ZNF568: variants seen among roughly 807,000 people sequenced by gnomAD.
ZNF568 encodes the protein zinc finger protein 568, also known as p53 inhibitor of SCO2 activation.
In ZNF568, 11 loss-of-function variants were observed where a neutral mutation model predicts 18.1. That is an observed-to-expected ratio of 0.61 (90% confidence interval 0.38 to 1.00). The LOEUF (loss-of-function observed/expected upper bound fraction) is 1.00, where lower values mean the gene tolerates loss of function less well. Among genes scored for constraint, ZNF568 ranks in the 50% least tolerant of loss-of-function variants. The pLI is 0.01. For missense variants in ZNF568, 639 were observed against 768.2 expected, an observed-to-expected ratio of 0.83 and a Z score of 1.99; for synonymous variants, 213 against 246.6, an observed-to-expected ratio of 0.86 and a Z score of 1.28.
chr19:36,974,397 GT>G, intron 6 of ZNF568: 1 of 1,535,796 alleles, frequency 6.5e-7, no homozygotes, highest in Non-Finnish European at 8.7e-7. Flanking sequence ...GCTTCTTAAC[GT>G]TTTTCCACAT....
downstream of ZNF568, chr19:36,997,904 T>C (rs1039078335): frequency 1.5e-5 from 5 of 328,382 alleles, no homozygotes; most frequent in Non-Finnish European, 2.3e-5. Flanking sequence ...CCTCCATGAA[T>C]GTAAAGAAAG....
At chr19:36,958,272 G>A (rs777222143) in intron 6 of ZNF568, among the ~76,000 whole-genome samples, 24 of 152,076 alleles carry the variant, frequency 1.6e-4, no homozygotes, top group Non-Finnish European at 2.9e-4. Context: ...TTTGGTATTA[G>A]GATAATGCTG....
chr19:36,933,904 TTTTTTTGTTTTGTTTTTTTG>T (rs869090784), intron 4 of ZNF568, among the ~76,000 whole-genome samples: 40,009 of 98,698 alleles, frequency 0.41, 7,754 homozygotes, highest in Non-Finnish European at 0.44. Flanking sequence ...GGTAGGTTTT[TTTTTTTGTTTTGTTTTTTTG>T]TTTTTTTTTT....
rs573860377 is a variant in ZNF568, at chr19:36,962,395, T to TAGTG, written c.359-12024_359-12021dup. 2.3e-3 allele frequency among the ~76,000 whole-genome samples: 345 copies of TAGTG among 149,022 alleles called. 2 individuals are homozygous for TAGTG. Among genetic ancestry groups the TAGTG allele is most frequent in the African/African-American group, 8.5e-3 (343 of 40,390 alleles). On this transcript the variant is annotated intron_variant, in intron 6 of 7. Transcript: ENST00000427117. ...TCACTCTGCCACCCAGGCTGGAATG[T>TAGTG]AGTGGTGTAATCTTGGATCACTGCA...
chr19:36,956,641 A>C (rs956260604), downstream of ZNF568, among the ~76,000 whole-genome samples: 1 of 151,758 alleles, frequency 6.6e-6, no homozygotes, highest in African/African-American at 2.4e-5. Flanking sequence ...TCTGCTGCCC[A>C]GGCTGGAGTA....
chr19:36,996,226 A>C lies in ZNF568; in HGVS notation c.230-91A>C, dbSNP rs942380698. 2.9e-6 allele frequency: 3 copies of C among 1,032,336 alleles called. No individual in the cohort carries two copies. In the African/African-American group the frequency reaches 4.9e-5, roughly 17 times the overall value. The allele number at this position is 1,032,336 out of a possible 1,614,324, so 63.9% of individuals were successfully genotyped here. A position where few individuals can be genotyped will look rare whatever the true frequency, so the allele number is the denominator to read the frequency against. On this transcript the variant is annotated intron_variant, in intron 4 of 4. Coordinates refer to the ZNF568 transcript ENST00000433993. The stretch of plus-strand genomic sequence containing the variant: ...TTGCAGTGTAAAGAATTGCTTATTA[A>C]CTATTTTTATTTTGTCATTTCTACT...
intron 2 of ZNF568, among the ~76,000 whole-genome samples, chr19:36,918,730 C>T (rs922514776): frequency 6.6e-6 from 1 of 152,186 alleles, no homozygotes; most frequent in Admixed American, 6.5e-5. Flanking sequence ...CACCACCATC[C>T]AGCCAGAGAA....
intron 6 of ZNF568, among the ~76,000 whole-genome samples, chr19:36,947,294 G>A (rs951684129): frequency 9.9e-5 from 15 of 152,138 alleles, no homozygotes; most frequent in African/African-American, 3.4e-4. Context: ...GATTACAGGT[G>A]TAAGCCACCA....
At chr19:36,991,244 G>A in exon 3 of ZNF568, 1 of 1,536,364 alleles carries the variant, frequency 6.5e-7, no homozygotes, top group Admixed American at 2.0e-5. Context: ...ACTCTGCTCA[G>A]AAGGATTTGT....
downstream of ZNF568, among the ~76,000 whole-genome samples, chr19:36,984,529 A>G (rs1180690883): frequency 6.6e-6 from 1 of 152,102 alleles, no homozygotes. Context: ...TTTAACCCAT[A>G]AGAAATTTTT....
downstream of ZNF568, chr19:36,997,252 C>T (rs1370018145): frequency 1.1e-5 from 18 of 1,607,104 alleles, no homozygotes; most frequent in Middle Eastern, 1.7e-4. Context: ...CTCTGATTCA[C>T]ATCTTATTCG....
At position 36,927,860 on chromosome 19, in the gene ZNF568, G is replaced by GTATA. The variant is rs1219440874; in HGVS notation, c.135+2626_135+2629dup. Among the ~76,000 whole-genome samples the GTATA allele has an allele frequency of 4.9e-3, 157 of 32,052 alleles. 2 individuals are homozygous for GTATA. The highest frequency in any genetic ancestry group is 9.9e-3 in the African/African-American group (54 of 5,452). The allele number at this position is 32,052 out of a possible 152,430, so 21.0% of individuals were successfully genotyped here. A position where few individuals can be genotyped will look rare whatever the true frequency, so the allele number is the denominator to read the frequency against. On this transcript the variant is annotated intron_variant, in intron 4 of 6. Transcript: ENST00000333987. ...TAAAGATATATGTGTGTGTGTGTGT[G>GTATA]TATATATATATATATATATATATAT...
chr19:36,952,082 C>T lies in ZNF568; in HGVS notation c.*994C>T, dbSNP rs73041122. 9.0e-3 allele frequency: 7,805 copies of T among 871,250 alleles called. 44 individuals are homozygous for T. Among genetic ancestry groups the T allele is most frequent in the Non-Finnish European group, 9.6e-3 (7,354 of 764,228 alleles). The allele number at this position is 871,250 out of a possible 1,614,324, so 54.0% of individuals were successfully genotyped here. A position where few individuals can be genotyped will look rare whatever the true frequency, so the allele number is the denominator to read the frequency against. On this transcript the variant is annotated 3_prime_UTR_variant, in exon 7 of 7. Coordinates refer to ENST00000333987, the MANE Select transcript of ZNF568 (RefSeq NM_198539.4). Reference sequence around the variant, plus strand: ...AAGACAAAAGGACTCTGTAATTCCACTTCTAGGTATATATACATCCTATAG... The same window carrying T: ...AAGACAAAAGGACTCTGTAATTCCATTTCTAGGTATATATACATCCTATAG...
Position 36,920,357 on chromosome 19 carries a change from T to C in ZNF568, c.-185-2229T>C, listed in dbSNP as rs1485615873. ...TGAAAAGCTGGCTGGACACAGTGGCTCACCCCTATAATCCCAGCACTTTGG... is the reference window on the plus strand; with the variant it reads ...TGAAAAGCTGGCTGGACACAGTGGCCCACCCCTATAATCCCAGCACTTTGG... On this transcript the variant is annotated intron_variant, in intron 2 of 6. Transcript: ENST00000333987. Among the ~76,000 whole-genome samples the C allele has an allele frequency of 2.0e-5, 3 of 152,196 alleles. No individual in the cohort carries two copies. The East Asian group carries it at 5.8e-4, about 29-fold the overall frequency.
chr19:36,955,374 C>A (rs2074100091), downstream of ZNF568, among the ~76,000 whole-genome samples: 1 of 129,100 alleles, frequency 7.7e-6, no homozygotes, highest in Non-Finnish European at 1.7e-5. Flanking sequence ...ATAAGGACAA[C>A]CTTAGATTTC....
chr19:36,951,862 CA>C lies in ZNF568; in HGVS notation c.*778del. On this transcript the variant is annotated 3_prime_UTR_variant, in exon 7 of 7. Transcript: ENST00000333987. ...CAGGGTAGTCTTGAACTCCTGACTT[CA>C]AAAGTGATCGCCCTCTTTGGCCTCC... 1 of 843,520 alleles carries C rather than the reference CA, an allele frequency of 1.2e-6. No homozygotes were observed. The highest frequency in any genetic ancestry group is 5.5e-5 in the South Asian group (1 of 18,262). The allele number at this position is 843,520 out of a possible 1,614,324, so 52.3% of individuals were successfully genotyped here.
intron 6 of ZNF568, among the ~76,000 whole-genome samples, chr19:36,943,970 A>T (rs1398731235): frequency 1.3e-5 from 2 of 152,142 alleles, no homozygotes; most frequent in Non-Finnish European, 2.9e-5. Flanking sequence ...CCATTTCTTT[A>T]AAAACTTTTG....
rs1167295852 is a variant in ZNF568 at position 36,936,784 on chromosome 19, C to T, written c.174C>T (p.Thr58=). The T allele has an allele frequency of 6.2e-7, 1 of 1,613,498 alleles. No individual in the cohort carries two copies. Among genetic ancestry groups the T allele is most frequent in the Admixed American group, 1.7e-5 (1 of 60,008 alleles). The change falls in exon 5 of 7, where the codon ACC becomes ACT. Residue 58 remains threonine, a synonymous_variant. Coordinates refer to ENST00000333987, the MANE Select transcript of ZNF568 (RefSeq NM_198539.4). ...VTFKDVAVDL[T]QEEWEQMKPA... The stretch of plus-strand genomic sequence containing the variant: ...TTAAGGATGTGGCTGTTGACCTTAC[C>T]CAGGAGGAGTGGGAGCAAATGAAAC...
intron 2 of ZNF568, among the ~76,000 whole-genome samples, chr19:36,989,791 C>A (rs1047395918): frequency 6.6e-6 from 1 of 151,952 alleles, no homozygotes; most frequent in Non-Finnish European, 1.5e-5. Context: ...AGCAATCCTC[C>A]CACCTTGGCC....
Sources: allele counts gnomAD v4.1 joint callset (sites outside exome capture counted in the v4.1 genomes callset), GRCh38; gene constraint gnomAD v4.1.1; transcripts MANE v1.5; gene names NCBI Gene and HGNC (gene_info 2026-07-23, HGNC 2026-07-21).